SLC7A2: variants seen among roughly 807,000 people sequenced by gnomAD.
SLC7A2 encodes solute carrier family 7 member 2.
A neutral mutation model predicts 58.9 loss-of-function variants in SLC7A2; 48 were observed. The ratio of observed to expected loss-of-function variants is 0.82; its 90% confidence interval spans 0.65 to 1.04. SLC7A2 has a LOEUF of 1.04. Ranked by LOEUF, SLC7A2 falls within the 50% of genes least tolerant of loss-of-function variation. The probability of loss-of-function intolerance (pLI) is 0.00; values close to 1 mark genes in which losing one functional copy is unlikely to be tolerated. For missense variants in SLC7A2, 1,029 were observed against 818.8 expected (o/e 1.26, Z -3.13); for synonymous variants, 363 against 314.5 (o/e 1.15, Z -1.63).
At chr8:17,535,500 G>A (rs1801626522) in intron 2 of SLC7A2, among the ~76,000 whole-genome samples, 1 of 152,224 alleles carries the variant, frequency 6.6e-6, no homozygotes, top group Non-Finnish European at 1.5e-5. Context: ...GCAACTGCAG[G>A]TGGCACGAGG....
At chr8:17,511,958 A>G (rs973171058) in intron 2 of SLC7A2, among the ~76,000 whole-genome samples, 5 of 152,146 alleles carry the variant, frequency 3.3e-5, no homozygotes, top group African/African-American at 4.8e-5. Context: ...TAAGAAAATA[A>G]TCTCATTTGG....
chr8:17,549,167 A>C (rs1802324755), intron 5 of SLC7A2, among the ~76,000 whole-genome samples: 1 of 152,170 alleles, frequency 6.6e-6, no homozygotes, highest in South Asian at 2.1e-4. Flanking sequence ...CCCATGATTC[A>C]ACCACCTCCC....
At chr8:17,527,471 C>A (rs1801265861) in intron 2 of SLC7A2, among the ~76,000 whole-genome samples, 1 of 152,132 alleles carries the variant, frequency 6.6e-6, no homozygotes, top group Non-Finnish European at 1.5e-5. Flanking sequence ...CGTAGGGTTG[C>A]CATTCAAAGG....
chr8:17,558,758 G>C (rs1802826401), intron 9 of SLC7A2, among the ~76,000 whole-genome samples: 1 of 152,072 alleles, frequency 6.6e-6, no homozygotes, highest in African/African-American at 2.4e-5. Flanking sequence ...TTCTGGAAAA[G>C]GTAATTTACA....
chr8:17,558,381 T>A lies in SLC7A2; in HGVS notation c.1282T>A (p.Cys428Ser), dbSNP rs1802809133. Residue 428 changes from cysteine to serine, a missense_variant, in exon 9 of 13, where the codon TGT (cysteine) becomes AGT (serine). Coordinates refer to ENST00000494857, the MANE Select transcript of SLC7A2 (RefSeq NM_001370338.1). ...TLMAYSLVAA[C>S]VLILRYQPGL... is the part of the protein sequence containing the mutation. The stretch of plus-strand genomic sequence containing the variant: ...CATGGCCTACTCTCTGGTGGCAGCC[T>A]GTGTTCTCATCCTCAGGTGAGTCAC... 1.2e-6 allele frequency: 2 copies of A among 1,611,494 alleles called. No individual in the cohort carries two copies. Among genetic ancestry groups the A allele is most frequent in the Admixed American group, 1.7e-5 (1 of 59,920 alleles).
At chr8:17,523,390 C>T (rs563405002) in intron 2 of SLC7A2, among the ~76,000 whole-genome samples, 7 of 152,308 alleles carry the variant, frequency 4.6e-5, no homozygotes, top group East Asian at 1.9e-4. Context: ...GTCACCAAAA[C>T]AGCATGGTAT....
At position 17,554,895 on chromosome 8, in the gene SLC7A2, G is replaced by T. The variant is rs540257092; in HGVS notation, c.1195+196G>T. ...GTCTTTACCTGTCTATACCTGTCTA[G>T]AATAATCCTTAAAATAACTCATGTG... On this transcript the variant is annotated intron_variant, in intron 8 of 12. Coordinates refer to ENST00000494857, the MANE Select transcript of SLC7A2 (RefSeq NM_001370338.1). 1.2e-5 allele frequency: 20 copies of T among 1,605,076 alleles called. No individual in the cohort carries two copies. The South Asian group carries it at 2.2e-4, about 18-fold the overall frequency.
intron 2 of SLC7A2, among the ~76,000 whole-genome samples, chr8:17,522,243 T>C (rs1470070606): frequency 6.6e-6 from 1 of 152,124 alleles, no homozygotes; most frequent in Non-Finnish European, 1.5e-5. Flanking sequence ...GGGTATCCCC[T>C]TATAAAACCA....
chr8:17,566,885 G>C lies in SLC7A2; in HGVS notation c.*1739G>C, dbSNP rs2150793071. ...GCTGGCCCGTGTAATCCCAAGACAA[G>C]GAAAACATTCGTTTTCCTCATGGGT... On this transcript the variant is annotated 3_prime_UTR_variant, in exon 13 of 13. Coordinates refer to ENST00000494857, the MANE Select transcript of SLC7A2 (RefSeq NM_001370338.1). 6.6e-6 allele frequency: 1 copy of C among 152,304 alleles called. No individual in the cohort carries two copies. Among genetic ancestry groups the C allele is most frequent in the Non-Finnish European group, 1.5e-5 (1 of 67,994 alleles). The allele number at this position is 152,304 out of a possible 1,614,324, so 9.4% of individuals were successfully genotyped here.
At chr8:17,522,026 G>C (rs181832918) in intron 2 of SLC7A2, among the ~76,000 whole-genome samples, 24 of 152,316 alleles carry the variant, frequency 1.6e-4, no homozygotes, top group Non-Finnish European at 3.2e-4. Context: ...TCCTAGGTAA[G>C]AGGAGGAAAA....
At chr8:17,559,782 A>G (rs776565754) in intron 9 of SLC7A2, among the ~76,000 whole-genome samples, 30 of 152,256 alleles carry the variant, frequency 2.0e-4, no homozygotes, top group Admixed American at 5.2e-4. Context: ...TCTTGATATA[A>G]GCTATACAGG....
intron 2 of SLC7A2, among the ~76,000 whole-genome samples, chr8:17,524,093 A>C (rs964240579): frequency 1.2e-4 from 18 of 152,176 alleles, no homozygotes; most frequent in African/African-American, 4.3e-4. Flanking sequence ...TAATCAAGAA[A>C]TCAAAAAAGA....
At chr8:17,549,715 C>T (rs1324552371) in intron 5 of SLC7A2, among the ~76,000 whole-genome samples, 1 of 152,102 alleles carries the variant, frequency 6.6e-6, no homozygotes, top group Non-Finnish European at 1.5e-5. Context: ...TGGGGTACAC[C>T]TGTATGTTTT....
chr8:17,554,912 A>C, intron 8 of SLC7A2: 1 of 1,610,460 alleles, frequency 6.2e-7, no homozygotes, highest in African/African-American at 1.3e-5. Context: ...CCTTAAAATA[A>C]CTCATGTGTG....
intron 4 of SLC7A2, among the ~76,000 whole-genome samples, chr8:17,545,330 C>G (rs978824073): frequency 6.6e-6 from 1 of 150,706 alleles, no homozygotes; most frequent in Non-Finnish European, 1.5e-5. Context: ...CACGTGGTGG[C>G]TGATTTTATT....
intron 2 of SLC7A2, among the ~76,000 whole-genome samples, chr8:17,524,414 G>T (rs1406250823): frequency 1.4e-5 from 2 of 140,724 alleles, no homozygotes; most frequent in East Asian, 2.1e-4. Context: ...ATATGTGTGT[G>T]TGTGTGTACA....
chr8:17,508,060 G>A (rs1182489743), intron 2 of SLC7A2, among the ~76,000 whole-genome samples: 1 of 151,380 alleles, frequency 6.6e-6, no homozygotes, highest in Non-Finnish European at 1.5e-5. Context: ...AAACAAGTAT[G>A]TTCTGTTTGG....
chr8:17,562,147 A>G (rs764040740), intron 11 of SLC7A2, 37 bp downstream of exon 11: 7 of 1,199,594 alleles, frequency 5.8e-6, no homozygotes, highest in Non-Finnish European at 3.4e-6. Context: ...AAAATACTGT[A>G]TTCATTTTCT....
intron 2 of SLC7A2, among the ~76,000 whole-genome samples, chr8:17,528,857 T>G (rs1457365817): frequency 6.6e-6 from 1 of 152,074 alleles, no homozygotes; most frequent in Non-Finnish European, 1.5e-5. Flanking sequence ...GAGAGCTCCA[T>G]GAAATAAAAG....
Sources: allele counts gnomAD v4.1 joint callset (sites outside exome capture counted in the v4.1 genomes callset), GRCh38; gene constraint gnomAD v4.1.1; transcripts MANE v1.5; gene names NCBI Gene and HGNC (gene_info 2026-07-23, HGNC 2026-07-21).